DPP6: variants seen among roughly 807,000 people sequenced by gnomAD.
DPP6 encodes the protein A-type potassium channel modulatory protein DPP6.
In DPP6, 69 loss-of-function variants were observed where a neutral mutation model predicts 122.6. That is an observed-to-expected ratio of 0.56 (90% confidence interval 0.46 to 0.69). The LOEUF (loss-of-function observed/expected upper bound fraction) is 0.69. DPP6 is among the 30% of genes least tolerant of loss of function. The pLI is 0.00. For missense variants in DPP6, 928 were observed against 1,116.9 expected (o/e 0.83, Z 2.41); for synonymous variants, 418 against 433.1 (o/e 0.97, Z 0.43).
chr7:153,805,212 G>A, the DPP6 span, among the ~76,000 whole-genome samples: 2 of 152,164 alleles, frequency 1.3e-5, no homozygotes, highest in East Asian at 1.9e-4. Context: ...CATTGGTATA[G>A]GAAGCAATGG....
At chr7:153,956,896 C>A (rs1275281143) in intron 1 of DPP6, among the ~76,000 whole-genome samples, 1 of 152,154 alleles carries the variant, frequency 6.6e-6, no homozygotes, top group East Asian at 1.9e-4. Context: ...TTAGTTCTAA[C>A]CAGCTCCTTA....
intron 1 of DPP6, among the ~76,000 whole-genome samples, chr7:153,961,962 GCA>G (rs1330366332): frequency 1.3e-5 from 2 of 149,390 alleles, no homozygotes; most frequent in Non-Finnish European, 2.9e-5. Context: ...CTGTGCTAGA[GCA>G]CACACACAGC....
At chr7:154,018,541 C>T (rs1798540339) in intron 1 of DPP6, among the ~76,000 whole-genome samples, 2 of 152,218 alleles carry the variant, frequency 1.3e-5, no homozygotes, top group South Asian at 4.1e-4. Flanking sequence ...AGGAACAGTT[C>T]ACAAGCTTTC....
intron 8 of DPP6, among the ~76,000 whole-genome samples, chr7:154,735,339 T>C (rs1219681353): frequency 6.6e-6 from 1 of 152,218 alleles, no homozygotes; most frequent in Admixed American, 6.5e-5. Context: ...CATGATCTCT[T>C]ACAGAAATTG....
At chr7:153,904,463 T>G (rs1459959421) in intron 1 of DPP6, among the ~76,000 whole-genome samples, 1 of 152,198 alleles carries the variant, frequency 6.6e-6, no homozygotes, top group African/African-American at 2.4e-5. Flanking sequence ...AGGGTAAACC[T>G]GAATTCCTCC....
chr7:154,728,083 G>A (rs1457561211), intron 8 of DPP6, among the ~76,000 whole-genome samples, 196 bp downstream of exon 8: 1 of 152,252 alleles, frequency 6.6e-6, no homozygotes, highest in Non-Finnish European at 1.5e-5. Context: ...GCATCAGGCT[G>A]TTGTCAGGGG....
chr7:153,756,676 T>C, the DPP6 span, among the ~76,000 whole-genome samples: 1 of 152,058 alleles, frequency 6.6e-6, no homozygotes, highest in Admixed American at 6.6e-5. Flanking sequence ...AGAGTACCCG[T>C]GTAAATATAA....
At chr7:154,142,043 G>T (rs1199099299) in intron 1 of DPP6, among the ~76,000 whole-genome samples, 1 of 152,138 alleles carries the variant, frequency 6.6e-6, no homozygotes, top group Non-Finnish European at 1.5e-5. Context: ...CAATTAATTA[G>T]GCATCCCCTA....
chr7:154,479,820 G>A (rs1031860106), intron 3 of DPP6, among the ~76,000 whole-genome samples: 2 of 152,014 alleles, frequency 1.3e-5, no homozygotes, highest in African/African-American at 4.8e-5. Flanking sequence ...AATCATCCTG[G>A]GCTCCCCTGG....
chr7:154,876,270 TAGGAA>T (rs1191229182), intron 20 of DPP6, 170 bp downstream of exon 20: 1 of 1,198,604 alleles, frequency 8.3e-7, no homozygotes, highest in Non-Finnish European at 1.1e-6. Flanking sequence ...AAAGGAAACT[TAGGAA>T]TCTTCTCCTA....
rs185179438 is a variant in DPP6, at chr7:154,613,229, A to G, written c.628-24592A>G. ...ACATTCTGTTCATAACAGGTATGTA[A>G]TGACATTTACTTTCTAAATGGTATT... On this transcript the variant is annotated intron_variant, in intron 5 of 25. Transcript: ENST00000377770. Among the ~76,000 whole-genome samples, 4 of 152,338 alleles carry G rather than the reference A, an allele frequency of 2.6e-5. No homozygotes were observed. The East Asian group carries it at 7.7e-4, about 29-fold the overall frequency.
chr7:154,601,909 A>G (rs1047289084), intron 5 of DPP6, among the ~76,000 whole-genome samples: 1 of 119,756 alleles, frequency 8.4e-6, no homozygotes, highest in African/African-American at 2.7e-5. Flanking sequence ...ATATGTGCTG[A>G]CTCCTATTTT....
At position 154,618,008 on chromosome 7, in the gene DPP6, A is replaced by G. The variant is rs532520945; in HGVS notation, c.628-19813A>G. 2.6e-5 allele frequency among the ~76,000 whole-genome samples: 4 copies of G among 152,126 alleles called. No homozygotes were observed. The highest frequency in any genetic ancestry group is 4.4e-5 in the Non-Finnish European group (3 of 68,018). ...ATAGGGGCTGCAGACCCGGGACTCA[A>G]ACGATGTGCAAAGGCCTCAGTTTCT... is the stretch of plus-strand genomic sequence containing the variant. On this transcript the variant is annotated intron_variant, in intron 5 of 25. Coordinates refer to ENST00000377770, the MANE Select transcript of DPP6 (RefSeq NM_130797.4). This position sits in a 1 kb window ranked among gnomAD's most constrained non-coding sequence, Gnocchi z 4.1.
chr7:154,345,668 G>T (rs1810335734), intron 1 of DPP6, among the ~76,000 whole-genome samples: 1 of 152,094 alleles, frequency 6.6e-6, no homozygotes, highest in Non-Finnish European at 1.5e-5. Context: ...GCCCCACATT[G>T]GCTGAGAGCC....
At chr7:154,752,676 C>G (rs2131469558) in intron 8 of DPP6, among the ~76,000 whole-genome samples, 1 of 152,284 alleles carries the variant, frequency 6.6e-6, no homozygotes, top group African/African-American at 2.4e-5. Context: ...GGAACACTAT[C>G]CACCGCAGGA....
At chr7:154,388,945 T>C (rs1814364747) in intron 1 of DPP6, among the ~76,000 whole-genome samples, 1 of 152,248 alleles carries the variant, frequency 6.6e-6, no homozygotes, top group Non-Finnish European at 1.5e-5. Context: ...CAAATATACT[T>C]GCTACTACAA....
At chr7:154,446,420 C>T in intron 2 of DPP6, 92 bp downstream of exon 2, 2 of 757,442 alleles carry the variant, frequency 2.6e-6, no homozygotes, top group South Asian at 2.4e-5. Context: ...CTACCTATTA[C>T]ATAATTTATT....
intron 1 of DPP6, among the ~76,000 whole-genome samples, chr7:153,991,145 A>G (rs937548205): frequency 6.6e-6 from 1 of 152,148 alleles, no homozygotes; most frequent in African/African-American, 2.4e-5. Flanking sequence ...GGCTGAGTGG[A>G]TGGATGGGAA....
At chr7:154,139,931 C>T (rs906797238) in intron 1 of DPP6, among the ~76,000 whole-genome samples, 8 of 152,150 alleles carry the variant, frequency 5.3e-5, no homozygotes, top group African/African-American at 1.9e-4. Flanking sequence ...AAAGGAGAAA[C>T]AGATAAAGAT....
Sources: gnomAD v4.1 joint callset for allele counts (sites outside exome capture counted in the v4.1 genomes callset) on GRCh38, gnomAD v4.1.1 for gene constraint, Gnocchi (gnomAD v3.1) non-coding constraint, MANE v1.5 for transcripts, NCBI Gene and HGNC (gene_info 2026-07-23, HGNC 2026-07-21) for gene names.